The following KCNQ1 variants were observed in gnomAD, a reference collection of about 807,000 sequenced individuals.
The protein encoded by KCNQ1 is potassium voltage-gated channel subfamily KQT member 1.
KCNQ1 carries 49 observed loss-of-function variants against 72.4 expected under a neutral mutation model. The observed-to-expected ratio is 0.68, with a 90% CI of 0.54 to 0.86. The LOEUF (loss-of-function observed/expected upper bound fraction) is 0.86, where lower values mean the gene tolerates loss of function less well. Ranked by LOEUF, KCNQ1 falls within the 40% of genes least tolerant of loss-of-function variation. The pLI is 0.00. For synonymous variants in KCNQ1, 450 were observed against 412.6 expected, an observed-to-expected ratio of 1.09 and a Z score of -1.10; for missense variants, 790 against 945.1, an observed-to-expected ratio of 0.84 and a Z score of 2.15.
Position 2,674,545 on chromosome 11 carries a change from A to C in KCNQ1, c.1514+12464A>C, listed in dbSNP as rs1449224892. 7.5e-6 allele frequency: 3 copies of C among 398,508 alleles called. No homozygotes were observed. Among genetic ancestry groups the C allele is most frequent in the Non-Finnish European group, 1.3e-5 (3 of 226,078 alleles). The allele number at this position is 398,508 out of a possible 1,614,324, so 24.7% of individuals were successfully genotyped here. A position where few individuals can be genotyped will look rare whatever the true frequency, so the allele number is the denominator to read the frequency against. ...CAAAGCCCATTCGGAGGATTTAGAC[A>C]AATACCTCGAGTGAGTGAATCTGAA... On this transcript the variant is annotated intron_variant, in intron 11 of 15. Transcript: ENST00000155840. The surrounding 1 kb of genome is among the most constrained non-coding windows in gnomAD (Gnocchi z 5.9).
intron 11 of KCNQ1, among the ~76,000 whole-genome samples, chr11:2,749,461 C>T (rs1347478240): frequency 6.6e-6 from 1 of 151,998 alleles, no homozygotes; most frequent in Non-Finnish European, 1.5e-5. Context: ...TCTCTGGGCC[C>T]CAGTTCCCTT....
chr11:2,650,346 C>A (rs1409794908), intron 10 of KCNQ1: 3 of 398,182 alleles, frequency 7.5e-6, no homozygotes, highest in Non-Finnish European at 1.3e-5. Context: ...TTTTTGTGTC[C>A]CCAAGTTGAT....
intron 1 of KCNQ1, among the ~76,000 whole-genome samples, chr11:2,449,903 C>T (rs528343148): frequency 6.6e-6 from 1 of 152,314 alleles, no homozygotes; most frequent in East Asian, 1.9e-4. Flanking sequence ...ATGCTGTTAA[C>T]AGGGCAGCGG....
rs1846694266 is a variant in KCNQ1 at position 2,484,007 on chromosome 11, C to T, written c.386+38523C>T. On this transcript the variant is annotated intron_variant, in intron 1 of 15. Coordinates refer to ENST00000155840, the MANE Select transcript of KCNQ1 (RefSeq NM_000218.3). This position sits in a 1 kb window ranked among gnomAD's most constrained non-coding sequence, Gnocchi z 5.2. ...CAAATGGGGATTTGTTTATTTCCCA[C>T]TTTCTTTCTATGTTTGTTAATTTGG... Among the ~76,000 whole-genome samples the T allele has an allele frequency of 1.3e-5, 2 of 152,106 alleles. No individual in the cohort carries two copies. Among genetic ancestry groups the T allele is most frequent in the Admixed American group, 1.3e-4 (2 of 15,280 alleles).
At chr11:2,514,133 C>T (rs968898234) in intron 1 of KCNQ1, among the ~76,000 whole-genome samples, 4 of 152,202 alleles carry the variant, frequency 2.6e-5, no homozygotes, top group Non-Finnish European at 1.5e-5. Flanking sequence ...GTGGGAGATG[C>T]CCCCCTCCCC....
At chr11:2,839,552 G>C (rs2134082467) in intron 15 of KCNQ1, among the ~76,000 whole-genome samples, 1 of 152,294 alleles carries the variant, frequency 6.6e-6, no homozygotes, top group East Asian at 1.9e-4. Context: ...TGGGGGCTAT[G>C]ACGAGGTGAG....
In KCNQ1 at chr11:2,550,906, G is replaced by A. The variant is rs921493372; in HGVS notation, c.478-19722G>A. 1.3e-5 allele frequency among the ~76,000 whole-genome samples: 2 copies of A among 152,144 alleles called. No homozygotes were observed. The highest frequency in any genetic ancestry group is 4.2e-4 in the South Asian group (2 of 4,816). ...AGGGGGGGGCACAGACTGAGACAGG[G>A]TCCCCGTGTTCCATCCATGGGGTAC... is the stretch of plus-strand genomic sequence containing the variant. On this transcript the variant is annotated intron_variant, in intron 2 of 15. Coordinates refer to ENST00000155840, the MANE Select transcript of KCNQ1 (RefSeq NM_000218.3). This position sits in a 1 kb window ranked among gnomAD's most constrained non-coding sequence, Gnocchi z 6.0.
At chr11:2,641,240 A>G (rs1007050998) in intron 10 of KCNQ1, 3 of 398,298 alleles carry the variant, frequency 7.5e-6, no homozygotes, top group Non-Finnish European at 1.3e-5. Flanking sequence ...TCAGAAATCA[A>G]ACTGTTTTCT....
chr11:2,445,028 C>T lies in KCNQ1; in HGVS notation c.-71C>T. 9.9e-7 allele frequency: 1 copy of T among 1,005,476 alleles called. No homozygotes were observed. The allele number at this position is 1,005,476 out of a possible 1,614,324, so 62.3% of individuals were successfully genotyped here. ...GCAGCAGTGGCTGCCCGCACTGCGC[C>T]CGGGCGCTCGCCTTCGCTGCAGCTC... On this transcript the variant is annotated 5_prime_UTR_variant, in exon 1 of 16. Transcript: ENST00000155840.
chr11:2,712,727 G>T lies in KCNQ1; in HGVS notation c.1514+50646G>T, dbSNP rs551155561. ...CCAGCCTCAGCCTTCCTTGCCATCCGCAACCACACCAGTGGCTGGAAAGCC... is the reference window on the plus strand; with the variant it reads ...CCAGCCTCAGCCTTCCTTGCCATCCTCAACCACACCAGTGGCTGGAAAGCC... On this transcript the variant is annotated intron_variant, in intron 11 of 15. Transcript: ENST00000155840. The surrounding 1 kb of genome is among the most constrained non-coding windows in gnomAD (Gnocchi z 6.4). Among the ~76,000 whole-genome samples, 1 of 152,160 alleles carries T rather than the reference G, an allele frequency of 6.6e-6. No individual in the cohort carries two copies. The highest frequency in any genetic ancestry group is 2.1e-4 in the South Asian group (1 of 4,834).
chr11:2,512,820 C>T (rs1290757228), intron 1 of KCNQ1, among the ~76,000 whole-genome samples: 1 of 152,218 alleles, frequency 6.6e-6, no homozygotes, highest in African/African-American at 2.4e-5. Context: ...AGGAGGCACC[C>T]CTAGCCGTGG....
rs1848227432 is a variant in KCNQ1 at position 2,565,083 on chromosome 11, A to G, written c.478-5545A>G. Among the ~76,000 whole-genome samples, 1 of 152,216 alleles carries G rather than the reference A, an allele frequency of 6.6e-6. No individual in the cohort carries two copies. The highest frequency in any genetic ancestry group is 1.5e-5 in the Non-Finnish European group (1 of 68,034). ...GATCTCCTTTAAAGAGACCGGGGAC[A>G]GACTCCAAAGTGGAATTGCTGGGTC... On this transcript the variant is annotated intron_variant, in intron 2 of 15. Coordinates refer to ENST00000155840, the MANE Select transcript of KCNQ1 (RefSeq NM_000218.3). This position sits in a 1 kb window ranked among gnomAD's most constrained non-coding sequence, Gnocchi z 5.6.
chr11:2,768,813 C>G lies in KCNQ1; in HGVS notation c.1515-31C>G, dbSNP rs77916733. ...GGGGATGACCAGCACAGGGTGGCCA[C>G]TCACAATCTCCTCTCCTCTCTCCAC... On this transcript the variant is annotated intron_variant, in intron 11 of 15. Coordinates refer to ENST00000155840, the MANE Select transcript of KCNQ1 (RefSeq NM_000218.3). This position sits in a 1 kb window ranked among gnomAD's most constrained non-coding sequence, Gnocchi z 6.7. 7,520 of 1,598,130 alleles carry G rather than the reference C, an allele frequency of 4.7e-3. 301 individuals are homozygous for G. In the African/African-American group the frequency reaches 0.084, roughly 18 times the overall value.
At chr11:2,834,880 C>T (rs915307640) in intron 15 of KCNQ1, among the ~76,000 whole-genome samples, 6 of 152,206 alleles carry the variant, frequency 3.9e-5, no homozygotes, top group East Asian at 1.9e-4. Flanking sequence ...TCCCTCCCCA[C>T]GAGGCTCCTG....
intron 11 of KCNQ1, among the ~76,000 whole-genome samples, chr11:2,740,334 C>T (rs1432726336): frequency 6.6e-6 from 1 of 152,196 alleles, no homozygotes; most frequent in Non-Finnish European, 1.5e-5. Context: ...CTTAAAGTCA[C>T]TTTTTTCTGG....
intron 10 of KCNQ1, chr11:2,660,371 G>T (rs1849930192): frequency 2.5e-6 from 1 of 398,388 alleles, no homozygotes; most frequent in African/African-American, 2.1e-5. Context: ...GTATTACGCT[G>T]ATGTGGGAAA....
At position 2,678,993 on chromosome 11, in the gene KCNQ1, A is replaced by T. The variant is rs914570118; in HGVS notation, c.1514+16912A>T. The T allele has an allele frequency of 2.5e-5, 10 of 398,500 alleles. No individual in the cohort carries two copies. Among genetic ancestry groups the T allele is most frequent in the African/African-American group, 1.6e-4 (8 of 48,612 alleles). 24.7% of individuals were successfully genotyped at this position (398,500 alleles called of 1,614,324 possible). ...AAATAGGCCTAATTCAAGAATTTTT[A>T]AAAACCCGCAATAAGAAACATAATC... On this transcript the variant is annotated intron_variant, in intron 11 of 15. Transcript: ENST00000155840. The surrounding 1 kb of genome is among the most constrained non-coding windows in gnomAD (Gnocchi z 4.9).
intron 15 of KCNQ1, among the ~76,000 whole-genome samples, chr11:2,801,537 G>A (rs1847263356): frequency 6.6e-6 from 1 of 152,228 alleles, no homozygotes; most frequent in South Asian, 2.1e-4. Context: ...CATCCCTGGT[G>A]CTGCCGCCTT....
chr11:2,624,082 A>G lies in KCNQ1; in HGVS notation c.1393+35228A>G. ...CCCCACATATTGGCAAGTATTTGGT[A>G]TTGTCAGTGTTTTGAATTTTGGCCA... On this transcript the variant is annotated intron_variant, in intron 10 of 15. Coordinates refer to ENST00000155840, the MANE Select transcript of KCNQ1 (RefSeq NM_000218.3). The surrounding 1 kb of genome is among the most constrained non-coding windows in gnomAD (Gnocchi z 4.9). The G allele has an allele frequency of 2.5e-6, 1 of 398,692 alleles. No individual in the cohort carries two copies. The highest frequency in any genetic ancestry group is 4.4e-6 in the Non-Finnish European group (1 of 226,170). The allele number at this position is 398,692 out of a possible 1,614,324, so 24.7% of individuals were successfully genotyped here.
Sources: gnomAD v4.1 joint callset for allele counts (sites outside exome capture counted in the v4.1 genomes callset) on GRCh38, gnomAD v4.1.1 for gene constraint, Gnocchi (gnomAD v3.1) non-coding constraint, MANE v1.5 for transcripts, NCBI Gene and HGNC (gene_info 2026-07-23, HGNC 2026-07-21) for gene names.